The following CSMD1 variants were observed in gnomAD, a reference collection of about 807,000 sequenced individuals.
CSMD1 encodes the protein CUB and sushi domain-containing protein 1.
In CSMD1, 213 loss-of-function variants were observed where a neutral mutation model predicts 417.5. The ratio of observed to expected loss-of-function variants is 0.51; its 90% confidence interval spans 0.46 to 0.57. The LOEUF (loss-of-function observed/expected upper bound fraction) is 0.57. Ranked by LOEUF, CSMD1 falls within the 20% of genes least tolerant of loss-of-function variation. The pLI is 0.00. For missense variants in CSMD1, 6,923 were observed against 4,529.7 expected, an observed-to-expected ratio of 1.53 and a Z score of -15.17; for synonymous variants, 2,862 against 1,736.8, an observed-to-expected ratio of 1.65 and a Z score of -16.11.
chr8:4,231,246 T>C (rs1801709224), intron 3 of CSMD1, among the ~76,000 whole-genome samples: 1 of 152,190 alleles, frequency 6.6e-6, no homozygotes, highest in South Asian at 2.1e-4. Context: ...ACTGCCGCCA[T>C]CATGGAAGGA....
chr8:4,947,760 G>A (rs6988379), intron 1 of CSMD1, among the ~76,000 whole-genome samples: 146,182 of 152,134 alleles, frequency 0.96, 70,423 homozygotes, highest in East Asian at 1. Context: ...TAAAACTAGT[G>A]TCCTACTTGA....
chr8:4,799,588 G>C (rs1266629936), intron 1 of CSMD1, among the ~76,000 whole-genome samples: 1 of 89,348 alleles, frequency 1.1e-5, no homozygotes, highest in Non-Finnish European at 1.9e-5. Context: ...GAGAGAGCAA[G>C]ACTCCGTCTC....
chr8:2,962,285 G>C (rs1293622614), intron 61 of CSMD1, among the ~76,000 whole-genome samples, 181 bp downstream of exon 61: 1 of 152,204 alleles, frequency 6.6e-6, no homozygotes, highest in Non-Finnish European at 1.5e-5. Flanking sequence ...ATTTAAAAGA[G>C]GTGGCACATC....
At chr8:3,994,471 ACTTGG>A (rs140300214) in intron 5 of CSMD1, among the ~76,000 whole-genome samples, 7,103 of 149,962 alleles carry the variant, frequency 0.047, 460 homozygotes, top group African/African-American at 0.14. Flanking sequence ...AAAAAAGAAC[ACTTGG>A]CTAGTCTCAC....
At chr8:4,226,624 A>G (rs1585055640) in intron 3 of CSMD1, among the ~76,000 whole-genome samples, 1 of 152,216 alleles carries the variant, frequency 6.6e-6, no homozygotes. Flanking sequence ...TATAACATCA[A>G]TTACTTCATT....
intron 1 of CSMD1, among the ~76,000 whole-genome samples, chr8:4,782,501 G>C (rs533251172): frequency 1.1e-4 from 16 of 152,260 alleles, no homozygotes; most frequent in Admixed American, 2.6e-4. Context: ...CAGAATTGTA[G>C]ATTTTGGTCT....
chr8:4,231,254 G>T (rs373009065), intron 3 of CSMD1, among the ~76,000 whole-genome samples: 8 of 152,302 alleles, frequency 5.3e-5, no homozygotes, highest in African/African-American at 1.7e-4. Context: ...CATCATGGAA[G>T]GAAGCCATCT....
intron 6 of CSMD1, among the ~76,000 whole-genome samples, chr8:3,733,082 G>A (rs1055200865): frequency 2.6e-5 from 4 of 151,558 alleles, no homozygotes; most frequent in Admixed American, 6.6e-5. Context: ...TTATAAAAGT[G>A]ACACAAACTT....
At chr8:3,086,180 G>C (rs964080173) in intron 49 of CSMD1, among the ~76,000 whole-genome samples, 1 of 150,792 alleles carries the variant, frequency 6.6e-6, no homozygotes, top group African/African-American at 2.5e-5. Flanking sequence ...AAAAGAAAAA[G>C]TATTCTTGTA....
chr8:3,229,414 A>G (rs73185504), intron 27 of CSMD1, among the ~76,000 whole-genome samples: 1 of 152,214 alleles, frequency 6.6e-6, no homozygotes, highest in Non-Finnish European at 1.5e-5. Context: ...ACTATTTTAC[A>G]TAAAATATAT....
chr8:3,361,408 C>T (rs560248258), intron 20 of CSMD1, among the ~76,000 whole-genome samples: 1 of 151,944 alleles, frequency 6.6e-6, no homozygotes, highest in East Asian at 1.9e-4. Context: ...GCGGGTGGAT[C>T]ATGAGGTCAG....
intron 10 of CSMD1, among the ~76,000 whole-genome samples, chr8:3,503,817 C>A (rs929240142): frequency 9.2e-5 from 13 of 141,774 alleles, no homozygotes; most frequent in African/African-American, 2.3e-4. Context: ...CCCTCCATCT[C>A]CCCCCATCCC....
At chr8:3,939,378 A>T (rs1810721475) in intron 5 of CSMD1, among the ~76,000 whole-genome samples, 1 of 152,162 alleles carries the variant, frequency 6.6e-6, no homozygotes, top group Non-Finnish European at 1.5e-5. Flanking sequence ...TGGCATGGAT[A>T]TGGTGAAAAG....
intron 5 of CSMD1, among the ~76,000 whole-genome samples, chr8:3,975,183 G>C (rs988426532): frequency 9.2e-5 from 14 of 152,284 alleles, no homozygotes; most frequent in South Asian, 2.1e-4. Context: ...TTTTCATTCA[G>C]CATCCTGTTA....
At chr8:4,228,173 C>A (rs983114024) in intron 3 of CSMD1, among the ~76,000 whole-genome samples, 4 of 152,212 alleles carry the variant, frequency 2.6e-5, no homozygotes. Context: ...ACACCCCCTC[C>A]ACCCTGCATG....
At chr8:4,300,952 G>A (rs1049827242) in intron 3 of CSMD1, among the ~76,000 whole-genome samples, 1 of 152,112 alleles carries the variant, frequency 6.6e-6, no homozygotes, top group Non-Finnish European at 1.5e-5. Flanking sequence ...CATTTAGGTT[G>A]GTTCCAAGTC....
In CSMD1 at chr8:3,960,938, G is replaced by C. The variant is rs145270301; in HGVS notation, c.818+36965C>G. On this transcript the variant is annotated intron_variant, in intron 5 of 69. Coordinates refer to ENST00000635120, the MANE Select transcript of CSMD1 (RefSeq NM_033225.6). The stretch of plus-strand genomic sequence containing the variant: ...TTAGATTATTCCTCTGGAATAAATG[G>C]ATAATACTATCCTCTTAATATTGTA... Among the ~76,000 whole-genome samples the C allele has an allele frequency of 2.2e-4, 34 of 151,908 alleles. No homozygotes were observed. In the East Asian group the frequency reaches 6.2e-3, roughly 28 times the overall value.
intron 5 of CSMD1, among the ~76,000 whole-genome samples, chr8:3,796,469 T>TATACATATATATATCTATCATGTATAC (rs1563089780): frequency 1.2e-4 from 16 of 139,104 alleles, no homozygotes; most frequent in African/African-American, 3.9e-4. Flanking sequence ...ATCTATCATG[T>TATACATATATATATCTATCATGTATAC]ATATAGATAT....
intron 2 of CSMD1, among the ~76,000 whole-genome samples, chr8:4,582,518 G>A (rs1196451015): frequency 6.6e-6 from 1 of 152,170 alleles, no homozygotes; most frequent in African/African-American, 2.4e-5. Context: ...ACTAAGTCCT[G>A]TAGTCTCACA....
Sources: allele counts gnomAD v4.1 joint callset (sites outside exome capture counted in the v4.1 genomes callset), GRCh38; gene constraint gnomAD v4.1.1; transcripts MANE v1.5; gene names NCBI Gene and HGNC (gene_info 2026-07-23, HGNC 2026-07-21).